The following RGS6 variants were observed in gnomAD, a reference collection of about 807,000 sequenced individuals.
The protein encoded by RGS6 is regulator of G-protein signaling 6.
A neutral mutation model predicts 78.5 loss-of-function variants in RGS6; 30 were observed. The ratio of observed to expected loss-of-function variants is 0.38; its 90% CI spans 0.29 to 0.52. RGS6 has a LOEUF of 0.52. Among genes scored for constraint, RGS6 ranks in the 20% least tolerant of loss-of-function variants. The probability of loss-of-function intolerance (pLI) is 0.85; values close to 1 mark genes in which losing one functional copy is unlikely to be tolerated. For missense variants in RGS6, 495 were observed against 609.7 expected (o/e 0.81, Z 1.98); for synonymous variants, 206 against 206.0 (o/e 1.00, Z 0.00).
intron 3 of RGS6, among the ~76,000 whole-genome samples, chr14:72,372,437 C>T (rs931303747): frequency 9.2e-5 from 14 of 152,260 alleles, no homozygotes; most frequent in East Asian, 3.9e-4. Context: ...TTTTCTACAG[C>T]GATCTATCCT....
intron 2 of RGS6, among the ~76,000 whole-genome samples, chr14:72,296,271 ACTTGGAATGTCTAAAAG>A (rs1161139848): frequency 6.6e-6 from 1 of 152,204 alleles, no homozygotes; most frequent in Non-Finnish European, 1.5e-5. Context: ...GTTTATGGAC[ACTTGGAATGTCTAAAAG>A]CTGCCATGAA....
At chr14:72,448,075 G>T (rs981716509) in intron 3 of RGS6, among the ~76,000 whole-genome samples, 23 of 152,194 alleles carry the variant, frequency 1.5e-4, no homozygotes, top group African/African-American at 5.5e-4. Flanking sequence ...TGTGAAGAGA[G>T]TTTTGTATAC....
At chr14:72,250,960 C>A (rs2055597429) in intron 2 of RGS6, among the ~76,000 whole-genome samples, 1 of 152,124 alleles carries the variant, frequency 6.6e-6, no homozygotes, top group Non-Finnish European at 1.5e-5. Context: ...TGTGCATAAG[C>A]ATGGAAGCCA....
chr14:72,077,122 C>A (rs1043380586), intron 2 of RGS6, among the ~76,000 whole-genome samples: 26 of 151,728 alleles, frequency 1.7e-4, no homozygotes, highest in Non-Finnish European at 2.5e-4. Context: ...TTATTTATAA[C>A]CCTTTCAAAC....
At chr14:72,021,956 T>C (rs529753718) in intron 2 of RGS6, among the ~76,000 whole-genome samples, 2 of 151,904 alleles carry the variant, frequency 1.3e-5, no homozygotes, top group African/African-American at 4.8e-5. Context: ...TAGACCCCAG[T>C]GTCTGCTGTT....
At chr14:71,899,460 C>G in the RGS6 span, among the ~76,000 whole-genome samples, 3 of 152,234 alleles carry the variant, frequency 2.0e-5, no homozygotes, top group Non-Finnish European at 4.4e-5. Flanking sequence ...GACTTTACCT[C>G]TACCACAATG....
intron 2 of RGS6, among the ~76,000 whole-genome samples, chr14:72,041,008 A>G (rs189185195): frequency 1.3e-5 from 2 of 152,294 alleles, no homozygotes; most frequent in East Asian, 3.9e-4. Flanking sequence ...CTGTACACCC[A>G]GTTAACTCTT....
chr14:72,228,628 C>T (rs2048745991), intron 2 of RGS6, among the ~76,000 whole-genome samples: 1 of 152,154 alleles, frequency 6.6e-6, no homozygotes, highest in South Asian at 2.1e-4. Flanking sequence ...TTGAATCGAA[C>T]ATTGAATGTA....
intron 2 of RGS6, among the ~76,000 whole-genome samples, chr14:71,986,083 A>G: frequency 6.6e-6 from 1 of 152,196 alleles, no homozygotes. Context: ...GCTTTGCTAT[A>G]AATAAGTCAC....
At chr14:72,404,127 C>G (rs1312251546) in intron 3 of RGS6, among the ~76,000 whole-genome samples, 3 of 152,188 alleles carry the variant, frequency 2.0e-5, no homozygotes, top group African/African-American at 7.2e-5. Context: ...GAGGAAAGGG[C>G]ACAGGACCCT....
chr14:72,025,526 A>G (rs1428193812), intron 2 of RGS6, among the ~76,000 whole-genome samples: 1 of 152,132 alleles, frequency 6.6e-6, no homozygotes. Context: ...CAGGAAGGAT[A>G]GGAGGAATGG....
intron 2 of RGS6, among the ~76,000 whole-genome samples, chr14:72,220,125 A>G (rs1004177443): frequency 2.6e-5 from 4 of 152,240 alleles, no homozygotes; most frequent in Non-Finnish European, 5.9e-5. Flanking sequence ...ATGCAATCCC[A>G]TTCATAATCG....
In RGS6 at chr14:72,478,250, T is replaced by A; in HGVS notation, c.793-18T>A. 6.3e-7 allele frequency: 1 copy of A among 1,598,974 alleles called. No homozygotes were observed. The highest frequency in any genetic ancestry group is 8.6e-7 in the Non-Finnish European group (1 of 1,166,814). ...AATTTTAGTTTGGTCTTAACATCTG[T>A]GTTCTCTATTTTCCCAGATAACATT... On this transcript the variant is annotated intron_variant, in intron 11 of 17. Coordinates refer to ENST00000553525, the MANE Select transcript of RGS6 (RefSeq NM_001204424.2).
At chr14:72,375,820 C>T (rs773382424) in intron 3 of RGS6, among the ~76,000 whole-genome samples, 3 of 152,110 alleles carry the variant, frequency 2.0e-5, no homozygotes, top group Non-Finnish European at 4.4e-5. Flanking sequence ...AGAAGCAAAG[C>T]CAATGCACTG....
In RGS6 at chr14:72,224,077, C is replaced by T. The variant is rs184844209; in HGVS notation, c.85-128018C>T. ...TCATTGGGATTTTTGCCGTCAACAG[C>T]TGAAATACAATATTTAAGAGGAAGA... On this transcript the variant is annotated intron_variant, in intron 2 of 17. Coordinates refer to ENST00000553525, the MANE Select transcript of RGS6 (RefSeq NM_001204424.2). Among the ~76,000 whole-genome samples, 1,097 of 152,298 alleles carry T rather than the reference C, an allele frequency of 7.2e-3. 8 individuals are homozygous for T. The highest frequency in any genetic ancestry group is 0.025 in the African/African-American group (1,042 of 41,572).
chr14:71,948,295 C>T (rs1041100996), intron 1 of RGS6, among the ~76,000 whole-genome samples: 6 of 152,296 alleles, frequency 3.9e-5, no homozygotes, highest in East Asian at 3.9e-4. Flanking sequence ...CACATGTCTA[C>T]GATGGTTCGA....
chr14:72,558,470 T>C (rs1365899818), intron 17 of RGS6, among the ~76,000 whole-genome samples: 1 of 152,166 alleles, frequency 6.6e-6, no homozygotes, highest in African/African-American at 2.4e-5. Context: ...GTAACCCAGA[T>C]AGTGCATGCT....
intron 2 of RGS6, among the ~76,000 whole-genome samples, chr14:72,182,235 C>T (rs752622972): frequency 2.6e-5 from 4 of 151,946 alleles, no homozygotes; most frequent in Non-Finnish European, 5.9e-5. Context: ...TGGTGAAACC[C>T]CATCTCTACT....
In RGS6 at chr14:72,057,313, G is replaced by GAAAAAAAAAAAAAAAAA. The variant is rs71109718; in HGVS notation, c.84+92449_84+92465dup. ...TGAGTGACAGAGTGAGACTCTATCT[G>GAAAAAAAAAAAAAAAAA]AAAAAAAAAAAAAAAAAAAAAAAAA... is the stretch of plus-strand genomic sequence containing the variant. On this transcript the variant is annotated intron_variant, in intron 2 of 17. Coordinates refer to ENST00000553525, the MANE Select transcript of RGS6 (RefSeq NM_001204424.2). 1.2e-4 allele frequency among the ~76,000 whole-genome samples: 7 copies of GAAAAAAAAAAAAAAAAA among 56,166 alleles called. 1 individual carries two copies. The highest frequency in any genetic ancestry group is 3.7e-4 in the African/African-American group (5 of 13,468). 36.8% of individuals were successfully genotyped at this position (56,166 alleles called of 152,430 possible).
Sources: gnomAD v4.1 joint callset for allele counts (sites outside exome capture counted in the v4.1 genomes callset) on GRCh38, gnomAD v4.1.1 for gene constraint, MANE v1.5 for transcripts, NCBI Gene and HGNC (gene_info 2026-07-23, HGNC 2026-07-21) for gene names.